EYS: variants seen among roughly 807,000 people sequenced by gnomAD.
EYS encodes protein eyes shut homolog.
EYS carries 250 observed loss-of-function variants against 282.1 expected under a neutral mutation model. That is an observed-to-expected ratio of 0.89 (90% confidence interval 0.80 to 0.98). The LOEUF is 0.98. EYS is among the 50% of genes least tolerant of loss of function. EYS has a pLI of 0.00. For synonymous variants in EYS, 1,355 were observed against 1,282.9 expected, an observed-to-expected ratio of 1.06 and a Z score of -1.20; for missense variants, 4,016 against 3,709.0, an observed-to-expected ratio of 1.08 and a Z score of -2.15.
At chr6:65,196,124 CTT>C (rs1233659313) in intron 12 of EYS, among the ~76,000 whole-genome samples, 1 of 151,884 alleles carries the variant, frequency 6.6e-6, no homozygotes, top group Non-Finnish European at 1.5e-5. Flanking sequence ...TGCTATTTTT[CTT>C]TGTCAGTTTG....
chr6:65,162,648 A>ATATAT (rs139260252), intron 12 of EYS, among the ~76,000 whole-genome samples: 20,579 of 150,822 alleles, frequency 0.14, 1,986 homozygotes, highest in African/African-American at 0.28. Flanking sequence ...TATTACATAA[A>ATATAT]TATATTTCCA....
chr6:64,878,320 G>A (rs1238738269), intron 19 of EYS, among the ~76,000 whole-genome samples: 1 of 152,148 alleles, frequency 6.6e-6, no homozygotes, highest in African/African-American at 2.4e-5. Flanking sequence ...AACAGAAAAT[G>A]TAGTCTATGA....
At chr6:63,804,111 G>C (rs1253903031) in intron 37 of EYS, among the ~76,000 whole-genome samples, 3 of 152,088 alleles carry the variant, frequency 2.0e-5, no homozygotes, top group Non-Finnish European at 4.4e-5. Flanking sequence ...CCGCCTCCTG[G>C]GTTCAAGCGA....
At chr6:64,139,349 G>C (rs1019407489) in intron 31 of EYS, among the ~76,000 whole-genome samples, 7 of 152,152 alleles carry the variant, frequency 4.6e-5, no homozygotes, top group Non-Finnish European at 7.3e-5. Context: ...ATAAGGAGTA[G>C]TCAAAGAAGA....
intron 35 of EYS, among the ~76,000 whole-genome samples, chr6:63,983,132 C>T (rs1767180167): frequency 6.6e-6 from 1 of 151,626 alleles, no homozygotes; most frequent in Admixed American, 6.6e-5. Context: ...CTCTTAGCCC[C>T]CAGATTTACT....
At chr6:64,115,076 C>T (rs1039249954) in intron 31 of EYS, among the ~76,000 whole-genome samples, 8 of 152,098 alleles carry the variant, frequency 5.3e-5, no homozygotes, top group Non-Finnish European at 7.4e-5. Context: ...TAGACCTTGG[C>T]GCTATGGCTG....
At chr6:63,820,172 A>T (rs1771285352) in intron 36 of EYS, among the ~76,000 whole-genome samples, 1 of 152,198 alleles carries the variant, frequency 6.6e-6, no homozygotes, top group African/African-American at 2.4e-5. Context: ...AATTTTTGAC[A>T]GTCTGATGAG....
intron 1 of EYS, among the ~76,000 whole-genome samples, chr6:65,688,303 G>A (rs1469293896): frequency 6.6e-6 from 1 of 152,084 alleles, no homozygotes; most frequent in Non-Finnish European, 1.5e-5. Context: ...TCTGATCTTT[G>A]ACAAGGCTGA....
chr6:64,999,882 T>C (rs1033043578), intron 13 of EYS, among the ~76,000 whole-genome samples: 2 of 152,116 alleles, frequency 1.3e-5, no homozygotes, highest in African/African-American at 4.8e-5. Flanking sequence ...CCTTCTGGCT[T>C]GCATTGTCTG....
chr6:65,027,242 G>T (rs1163269658), intron 13 of EYS, among the ~76,000 whole-genome samples: 1 of 152,082 alleles, frequency 6.6e-6, no homozygotes, highest in East Asian at 1.9e-4. Context: ...ATTTAGATCA[G>T]TTCCTTTTCT....
chr6:65,005,124 G>C lies in EYS; in HGVS notation c.2138-7421C>G, dbSNP rs1459670692. ...CTTTCGCTTGCCGTCCACCACTGCTGTTTGCCACTGTTGCAGACCAGCTGC... is the reference window on the plus strand; with the variant it reads ...CTTTCGCTTGCCGTCCACCACTGCTCTTTGCCACTGTTGCAGACCAGCTGC... On this transcript the variant is annotated intron_variant, in intron 13 of 42. Coordinates refer to ENST00000503581, the MANE Select transcript of EYS (RefSeq NM_001142800.2). Among the ~76,000 whole-genome samples the C allele has an allele frequency of 3.4e-5, 5 of 147,752 alleles. 1 individual carries two copies. The highest frequency in any genetic ancestry group is 3.0e-5 in the Non-Finnish European group (2 of 65,994).
chr6:64,449,745 C>T (rs573556831), intron 26 of EYS, among the ~76,000 whole-genome samples: 2 of 152,154 alleles, frequency 1.3e-5, no homozygotes, highest in African/African-American at 4.8e-5. Flanking sequence ...AATTTCATAT[C>T]CAGCCAAACT....
At chr6:65,044,847 C>T (rs980526816) in intron 13 of EYS, among the ~76,000 whole-genome samples, 1 of 151,758 alleles carries the variant, frequency 6.6e-6, no homozygotes, top group Non-Finnish European at 1.5e-5. Context: ...ATTCCCCAGC[C>T]CCTTCACTTT....
At chr6:64,610,021 A>G (rs1767058677) in intron 24 of EYS, among the ~76,000 whole-genome samples, 1 of 152,080 alleles carries the variant, frequency 6.6e-6, no homozygotes, top group African/African-American at 2.4e-5. Context: ...GCATAGAGGA[A>G]AGAACACTGA....
chr6:65,034,943 CAT>C (rs1032632432), intron 13 of EYS, among the ~76,000 whole-genome samples: 17 of 151,964 alleles, frequency 1.1e-4, no homozygotes, highest in Admixed American at 1.1e-3. Context: ...CTCTGAATAA[CAT>C]AGATTCAAAA....
intron 37 of EYS, among the ~76,000 whole-genome samples, chr6:63,790,273 G>A (rs2149671463): frequency 6.6e-6 from 1 of 152,258 alleles, no homozygotes; most frequent in Non-Finnish European, 1.5e-5. Flanking sequence ...TTTGATCAGG[G>A]TAAAGGAGAG....
At chr6:64,417,900 G>C (rs1309191342) in intron 28 of EYS, among the ~76,000 whole-genome samples, 1 of 152,120 alleles carries the variant, frequency 6.6e-6, no homozygotes, top group Non-Finnish European at 1.5e-5. Flanking sequence ...TTGAACTCCA[G>C]ACCTCAAGGG....
chr6:64,340,558 A>G (rs2150396293), intron 29 of EYS, among the ~76,000 whole-genome samples: 1 of 152,004 alleles, frequency 6.6e-6, no homozygotes, highest in Admixed American at 6.6e-5. Context: ...TTCACTGTAT[A>G]CAACAATTAA....
intron 19 of EYS, among the ~76,000 whole-genome samples, chr6:64,866,816 C>T (rs112780688): frequency 0.012 from 1,819 of 151,364 alleles, 17 homozygotes; most frequent in Non-Finnish European, 0.019. Flanking sequence ...ATTAATTTTC[C>T]AATTTCAATA....
Sources: allele counts gnomAD v4.1 joint callset (sites outside exome capture counted in the v4.1 genomes callset), GRCh38; gene constraint gnomAD v4.1.1; transcripts MANE v1.5; gene names NCBI Gene and HGNC (gene_info 2026-07-23, HGNC 2026-07-21).